The following FGF1 variants were observed in gnomAD, a reference collection of about 807,000 sequenced individuals.
FGF1 encodes the protein beta-endothelial cell growth factor.
A neutral mutation model predicts 13.4 loss-of-function variants in FGF1; 9 were observed. The observed-to-expected ratio is 0.67, with a 90% CI of 0.40 to 1.17. The LOEUF is 1.17. FGF1 is among the 50% of genes most tolerant of loss of function. The pLI is 0.01. For missense variants in FGF1, 156 were observed against 192.7 expected (o/e 0.81, Z 1.13); for synonymous variants, 93 against 79.0 (o/e 1.18, Z -0.94).
At chr5:142,652,477 C>T (rs894731474) in intron 1 of FGF1, among the ~76,000 whole-genome samples, 9 of 152,148 alleles carry the variant, frequency 5.9e-5, no homozygotes, top group African/African-American at 1.7e-4. Flanking sequence ...CTTACTAGGC[C>T]CTTCCTGTGT....
chr5:142,614,930 C>T (rs1051723433), intron 1 of FGF1, among the ~76,000 whole-genome samples: 4 of 152,248 alleles, frequency 2.6e-5, no homozygotes, highest in Non-Finnish European at 4.4e-5. Flanking sequence ...GTCCCTTGCA[C>T]GCAGGCTGTT....
At chr5:142,665,958 C>T (rs538927965) in intron 1 of FGF1, among the ~76,000 whole-genome samples, 1 of 152,034 alleles carries the variant, frequency 6.6e-6, no homozygotes, top group Non-Finnish European at 1.5e-5. Context: ...TCTGGCAAAC[C>T]CTTCTTTTTT....
chr5:142,643,296 T>TAC lies in FGF1; in HGVS notation c.-34-29137_-34-29136dup, dbSNP rs57043408. Among the ~76,000 whole-genome samples, 1,068 of 149,846 alleles carry TAC rather than the reference T, an allele frequency of 7.1e-3. 3 individuals carry two copies. The highest frequency in any genetic ancestry group is 0.022 in the African/African-American group (899 of 40,942). ...TGCATCAGAAAAAGAGACTACAAAT[T>TAC]ACACACACACACACACACACATACC... On this transcript the variant is annotated intron_variant, in intron 1 of 3. Coordinates refer to ENST00000337706, the MANE Select transcript of FGF1 (RefSeq NM_000800.5).
At position 142,643,077 on chromosome 5, in the gene FGF1, A is replaced by G. The variant is rs183945073; in HGVS notation, c.-34-28916T>C. Among the ~76,000 whole-genome samples, 5 of 152,328 alleles carry G rather than the reference A, an allele frequency of 3.3e-5. No individual in the cohort carries two copies. The East Asian group carries it at 7.7e-4, about 23-fold the overall frequency. On this transcript the variant is annotated intron_variant, in intron 1 of 3. Transcript: ENST00000337706. The stretch of plus-strand genomic sequence containing the variant: ...AGAACTAGGCACTTTCACATACACT[A>G]TATCCAACGCACCCCAGGAGGCTCC...
At chr5:142,658,034 A>G (rs942431626) in intron 1 of FGF1, among the ~76,000 whole-genome samples, 1 of 152,152 alleles carries the variant, frequency 6.6e-6, no homozygotes, top group Non-Finnish European at 1.5e-5. Context: ...CATCACCTCC[A>G]AGAAATCTTC....
chr5:142,606,218 C>CTCTCTGTGTGTG (rs151219206), intron 2 of FGF1, among the ~76,000 whole-genome samples: 4 of 143,066 alleles, frequency 2.8e-5, no homozygotes, highest in African/African-American at 1.0e-4. Flanking sequence ...CTTTCTCTCT[C>CTCTCTGTGTGTG]TGTGTGTGTG....
In FGF1 at chr5:142,614,446, A is replaced by T. The variant is rs181899208; in HGVS notation, c.-34-285T>A. 1.1e-4 allele frequency among the ~76,000 whole-genome samples: 17 copies of T among 152,294 alleles called. No individual in the cohort carries two copies. In the East Asian group the frequency reaches 3.3e-3, roughly 29 times the overall value. On this transcript the variant is annotated intron_variant, in intron 1 of 3. Coordinates refer to ENST00000337706, the MANE Select transcript of FGF1 (RefSeq NM_000800.5). ...GAACTTCAAATTTAATCATCTGACC[A>T]TGGGGAAAAGAATCATGTTTTGGTC...
intron 1 of FGF1, among the ~76,000 whole-genome samples, chr5:142,652,420 G>C (rs991956675): frequency 1.3e-5 from 2 of 152,172 alleles, no homozygotes; most frequent in Non-Finnish European, 2.9e-5. Flanking sequence ...TAGAAGCCTT[G>C]GGTGATGGAG....
At chr5:142,647,132 C>T (rs1016269545) in intron 1 of FGF1, among the ~76,000 whole-genome samples, 9 of 152,106 alleles carry the variant, frequency 5.9e-5, no homozygotes, top group Admixed American at 5.2e-4. Context: ...TTTGGCATAT[C>T]GATTATTTTT....
chr5:142,596,360 T>G (rs1477907893), intron 3 of FGF1, among the ~76,000 whole-genome samples: 1 of 149,724 alleles, frequency 6.7e-6, no homozygotes, highest in East Asian at 2.0e-4. Flanking sequence ...ATCACAACAC[T>G]TTGGGAGGCT....
intron 1 of FGF1, chr5:142,644,375 GGCA>G (rs1289324871): frequency 3.3e-5 from 5 of 152,032 alleles, no homozygotes; most frequent in African/African-American, 1.2e-4. Context: ...TTGACGGCCC[GGCA>G]TCTGAATCCC....
At chr5:142,602,207 T>A (rs535428144) in intron 2 of FGF1, among the ~76,000 whole-genome samples, 34 of 151,946 alleles carry the variant, frequency 2.2e-4, no homozygotes, top group African/African-American at 7.7e-4. Context: ...GACGGAGTCT[T>A]GTTCTGTTGC....
chr5:142,618,921 GTTGTT>G lies in FGF1; in HGVS notation c.-34-4765_-34-4761del, dbSNP rs1326099173. Among the ~76,000 whole-genome samples, 939 of 107,770 alleles carry G rather than the reference GTTGTT, an allele frequency of 8.7e-3. 52 individuals are homozygous for G. The highest frequency in any genetic ancestry group is 0.017 in the African/African-American group (511 of 30,342). 70.7% of individuals were successfully genotyped at this position (107,770 alleles called of 152,430 possible). ...GGCAAACACTGACATTTATTTTTTA[GTTGTT>G]TTGTTTTTTTTTTTTTTTTTTTTTT... On this transcript the variant is annotated intron_variant, in intron 1 of 3. Transcript: ENST00000337706.
intron 1 of FGF1, among the ~76,000 whole-genome samples, chr5:142,678,464 C>A (rs1773070066): frequency 2.0e-5 from 3 of 152,088 alleles, no homozygotes; most frequent in African/African-American, 7.2e-5. Flanking sequence ...TGGGACTCTC[C>A]CTCACCCGCA....
Position 142,608,571 on chromosome 5 carries a change from T to C in FGF1, c.169+5388A>G, listed in dbSNP as rs1171954869. On this transcript the variant is annotated intron_variant, in intron 2 of 3. Transcript: ENST00000337706. ...ATATATATATATATATATATATATA[T>C]ATATATATATATACACACACACACA... Among the ~76,000 whole-genome samples, 5 of 88,040 alleles carry C rather than the reference T, an allele frequency of 5.7e-5. No individual in the cohort carries two copies. The East Asian group carries it at 1.4e-3, about 25-fold the overall frequency. 57.8% of individuals were successfully genotyped at this position (88,040 alleles called of 152,430 possible). A position where few individuals can be genotyped will look rare whatever the true frequency, so the allele number is the denominator to read the frequency against.
intron 1 of FGF1, among the ~76,000 whole-genome samples, chr5:142,629,946 T>G (rs183621637): frequency 6.7e-6 from 1 of 148,982 alleles, no homozygotes; most frequent in African/African-American, 2.5e-5. Context: ...CAGGCTGGAG[T>G]GCAGTGGCAT....
intron 1 of FGF1, among the ~76,000 whole-genome samples, chr5:142,675,892 CT>C (rs1481282309): frequency 6.6e-6 from 1 of 152,216 alleles, no homozygotes; most frequent in African/African-American, 2.4e-5. Context: ...TGAACACCCC[CT>C]GGCTGGTTGG....
At chr5:142,624,140 G>A (rs1233983700) in intron 1 of FGF1, among the ~76,000 whole-genome samples, 6 of 151,504 alleles carry the variant, frequency 4.0e-5, no homozygotes, top group Admixed American at 2.6e-4. Flanking sequence ...GGCTGGTCTC[G>A]AACTCTGGAC....
intron 1 of FGF1, among the ~76,000 whole-genome samples, chr5:142,645,402 CCT>C (rs1301544818): frequency 1.3e-5 from 2 of 152,056 alleles, no homozygotes; most frequent in African/African-American, 4.8e-5. Flanking sequence ...AAGAAATGCC[CCT>C]GAGTCAATAT....
Sources: allele counts gnomAD v4.1 joint callset (sites outside exome capture counted in the v4.1 genomes callset), GRCh38; gene constraint gnomAD v4.1.1; transcripts MANE v1.5; gene names NCBI Gene and HGNC (gene_info 2026-07-23, HGNC 2026-07-21).